The following AHCYL1 variants were observed in gnomAD, a reference collection of about 807,000 sequenced individuals.
AHCYL1 encodes the protein adenosylhomocysteinase like 1.
AHCYL1 carries 20 observed loss-of-function variants against 79.3 expected under a neutral mutation model. That is an observed-to-expected ratio of 0.25 (90% CI 0.18 to 0.37). The LOEUF is 0.37. Among genes scored for constraint, AHCYL1 ranks in the 10% least tolerant of loss-of-function variants. The pLI is 1.00. For synonymous variants in AHCYL1, 223 were observed against 242.2 expected, an observed-to-expected ratio of 0.92 and a Z score of 0.74; for missense variants, 330 against 673.6, an observed-to-expected ratio of 0.49 and a Z score of 5.65.
rs1650851593 is a variant in AHCYL1 at position 110,009,041 on chromosome 1, A to G, written c.128A>G (p.Gln43Arg). 1 of 1,612,176 alleles carries G rather than the reference A, an allele frequency of 6.2e-7. No homozygotes were observed. Among genetic ancestry groups the G allele is most frequent in the African/African-American group, 1.3e-5 (1 of 74,962 alleles). Residue 43 changes from glutamine (Q) to arginine (R), a missense_variant, in exon 2 of 17, where the codon CAG (glutamine) becomes CGG (arginine). Gln to Arg is a conservative substitution (Grantham distance 43). Around this residue, in one of 6 missense-constraint regions of AHCYL1, gnomAD observed 66 missense variants for 68.0 expected, o/e 0.97. Coordinates refer to ENST00000369799, the MANE Select transcript of AHCYL1 (RefSeq NM_006621.7). ...TGTCTTCCTTTTGTATAGCAAATCCAGTTTGCTGATGACATGCAGGAGTTC... is the reference window on the plus strand; with the variant it reads ...TGTCTTCCTTTTGTATAGCAAATCCGGTTTGCTGATGACATGCAGGAGTTC... ...TVTKAPKKQIQFADDMQEFTK... is the reference protein window; with the variant it reads ...TVTKAPKKQIRFADDMQEFTK...
Position 110,018,133 on chromosome 1 carries a change from A to AT in AHCYL1, c.1123+118dup, listed in dbSNP as rs1387230248. ...TCAGTATAAAGGTCTCAGAACTAGA[A>AT]TAAGCTATCAGAACCTTAACATGTT... On this transcript the variant is annotated intron_variant, in intron 11 of 16. Transcript: ENST00000369799. 9 of 1,170,070 alleles carry AT rather than the reference A, an allele frequency of 7.7e-6. No homozygotes were observed. In the African/African-American group the frequency reaches 1.4e-4, roughly 18 times the overall value. 72.5% of individuals were successfully genotyped at this position (1,170,070 alleles called of 1,614,324 possible).
At chr1:110,020,579 T>A (rs1377348599) in intron 15 of AHCYL1, 152 bp from the exon 16 acceptor site, 1 of 1,138,814 alleles carries the variant, frequency 8.8e-7, no homozygotes, top group Non-Finnish European at 1.2e-6. Context: ...GTTTTTTTTT[T>A]AATTAAGCAA....
At chr1:110,009,593 G>T (rs1351032943) in intron 2 of AHCYL1, among the ~76,000 whole-genome samples, 2 of 152,104 alleles carry the variant, frequency 1.3e-5, no homozygotes, top group African/African-American at 4.8e-5. Context: ...TAGTATTTTG[G>T]CTTCTCTTAT....
intron 1 of AHCYL1, among the ~76,000 whole-genome samples, chr1:109,995,918 C>T (rs888999524): frequency 6.6e-6 from 1 of 152,180 alleles, no homozygotes; most frequent in Admixed American, 6.5e-5. Context: ...GTTCGGAAAT[C>T]TAACATTGAG....
In AHCYL1 at chr1:109,985,043, C is replaced by G; in HGVS notation, c.-10C>G. 1 of 1,560,508 alleles carries G rather than the reference C, an allele frequency of 6.4e-7. No individual in the cohort carries two copies. Among genetic ancestry groups the G allele is most frequent in the Non-Finnish European group, 8.7e-7 (1 of 1,155,626 alleles). ...GCGGCGGGTCAGCCGCTGGCCGGGCCGGCCGGGGAATGTCGATGCCTGACG... is the reference window on the plus strand; with the variant it reads ...GCGGCGGGTCAGCCGCTGGCCGGGCGGGCCGGGGAATGTCGATGCCTGACG... On this transcript the variant is annotated 5_prime_UTR_variant, in exon 1 of 17. Coordinates refer to ENST00000369799, the MANE Select transcript of AHCYL1 (RefSeq NM_006621.7).
chr1:110,014,672 G>T, intron 5 of AHCYL1, 91 bp from the exon 6 acceptor site: 4 of 919,570 alleles, frequency 4.3e-6, no homozygotes, highest in African/African-American at 1.7e-5. Context: ...TGTTTCTTTT[G>T]CCTTTTTCTC....
intron 8 of AHCYL1, 51 bp from the exon 9 acceptor site, chr1:110,016,616 A>G: frequency 1.2e-6 from 2 of 1,610,526 alleles, no homozygotes; most frequent in Non-Finnish European, 1.7e-6. Flanking sequence ...GTGAAGAGGG[A>G]CTGAGTTTGA....
In AHCYL1 at chr1:110,018,262, A is replaced by G. The variant is rs530875912; in HGVS notation, c.1124-111A>G. 1.5e-4 allele frequency: 151 copies of G among 1,036,452 alleles called. No individual in the cohort carries two copies. In the African/African-American group the frequency reaches 2.0e-3, roughly 14 times the overall value. 64.2% of individuals were successfully genotyped at this position (1,036,452 alleles called of 1,614,324 possible). ...ATGCATGTCTTCTCTCAGAATGTCT[A>G]CATGTTCTTTAATGCCAGCAAGCCT... On this transcript the variant is annotated intron_variant, in intron 11 of 16. Coordinates refer to ENST00000369799, the MANE Select transcript of AHCYL1 (RefSeq NM_006621.7).
rs745562519 is a variant in AHCYL1 at position 110,019,103 on chromosome 1, T to C, written c.1370T>C (p.Ile457Thr). ...ACAGTTCCCACCTTTGTTCTGTCCA[T>C]CACAGCCACAACACAGGTATGTGGC... Reference protein sequence around the residue: ...CSTVPTFVLSITATTQALALI... With the variant: ...CSTVPTFVLSTTATTQALALI... Residue 457 changes from isoleucine (I) to threonine (T), a missense_variant, in exon 14 of 17, where the codon ATC becomes ACC. Physicochemically the swap from Ile to Thr is moderately conservative, Grantham distance 89. This residue lies in a region of AHCYL1 where 119 missense variants were observed against 293.3 expected (regional missense o/e 0.41). Transcript: ENST00000369799. 12 of 1,614,202 alleles carry C rather than the reference T, an allele frequency of 7.4e-6. No homozygotes were observed. The highest frequency in any genetic ancestry group is 1.0e-5 in the Non-Finnish European group (12 of 1,180,042).
At chr1:110,010,162 G>T (rs759117208) in intron 2 of AHCYL1, among the ~76,000 whole-genome samples, 3 of 152,210 alleles carry the variant, frequency 2.0e-5, no homozygotes, top group Non-Finnish European at 2.9e-5. Context: ...ACGATAAAAC[G>T]ACTGAAGAAG....
chr1:110,011,506 T>C (rs768733639), intron 3 of AHCYL1, 149 bp downstream of exon 3: 69 of 1,102,454 alleles, frequency 6.3e-5, no homozygotes, highest in Non-Finnish European at 8.3e-5. Context: ...CTTCTCTCTC[T>C]ATGGAACTTA....
chr1:110,020,981 G>T (rs931409894), intron 16 of AHCYL1, 130 bp downstream of exon 16: 3 of 1,360,146 alleles, frequency 2.2e-6, no homozygotes, highest in Non-Finnish European at 2.9e-6. Flanking sequence ...TTCCAGGCCA[G>T]GCACGGTGGC....
intron 1 of AHCYL1, among the ~76,000 whole-genome samples, chr1:109,995,494 C>T (rs1031957931): frequency 2.6e-5 from 4 of 152,208 alleles, no homozygotes; most frequent in African/African-American, 9.6e-5. Flanking sequence ...CTGTTCCTAA[C>T]AGATGGAGTT....
intron 1 of AHCYL1, among the ~76,000 whole-genome samples, chr1:110,007,549 AGCTGAAGGGTACAT>A (rs1239773819): frequency 1.3e-5 from 2 of 152,148 alleles, no homozygotes; most frequent in African/African-American, 4.8e-5. Context: ...GTGCTCCCCT[AGCTGAAGGGTACAT>A]GTGAAAGAGG....
chr1:110,017,603 A>T lies in AHCYL1; in HGVS notation c.1052+20A>T. ...GGCCTGGTAAGAACAGAGTGATAAT[A>T]CTATTAGATTCACTCTAGGTGCTTT... On this transcript the variant is annotated intron_variant, in intron 10 of 16. Coordinates refer to ENST00000369799, the MANE Select transcript of AHCYL1 (RefSeq NM_006621.7). 6.2e-7 allele frequency: 1 copy of T among 1,606,694 alleles called. No homozygotes were observed. Among genetic ancestry groups the T allele is most frequent in the Non-Finnish European group, 8.5e-7 (1 of 1,173,872 alleles).
At chr1:110,016,590 C>G in intron 8 of AHCYL1, 77 bp from the exon 9 acceptor site, 1 of 1,597,880 alleles carries the variant, frequency 6.3e-7, no homozygotes, top group Non-Finnish European at 8.6e-7. Context: ...GGGCATTGGC[C>G]CACACTTTTA....
At chr1:109,995,911 C>T (rs12091710) in intron 1 of AHCYL1, among the ~76,000 whole-genome samples, 4,532 of 152,218 alleles carry the variant, frequency 0.03, 235 homozygotes, top group African/African-American at 0.1. Flanking sequence ...CAACATTGTT[C>T]GGAAATCTAA....
At chr1:109,997,733 T>A (rs1438350708) in intron 1 of AHCYL1, among the ~76,000 whole-genome samples, 1 of 152,206 alleles carries the variant, frequency 6.6e-6, no homozygotes, top group Non-Finnish European at 1.5e-5. Flanking sequence ...GAGAATTATG[T>A]AGAAAGACAC....
At chr1:110,004,563 G>A (rs892170620) in intron 1 of AHCYL1, 16 of 902,432 alleles carry the variant, frequency 1.8e-5, no homozygotes, top group Non-Finnish European at 2.0e-5. Context: ...TTGTACCAAG[G>A]AGTGGGTGTT....
Sources: gnomAD v4.1 joint callset for allele counts (sites outside exome capture counted in the v4.1 genomes callset) on GRCh38, gnomAD v4.1.1 for gene constraint, gnomAD v4.1.1 regional missense constraint, MANE v1.5 for transcripts, NCBI Gene and HGNC (gene_info 2026-07-23, HGNC 2026-07-21) for gene names.